Variants in ARID1B observed in about 807,000 individuals in gnomAD.
ARID1B encodes the protein AT-rich interaction domain 1B, also known as AT-rich interactive domain-containing protein 1B.
A neutral mutation model predicts 212.3 loss-of-function variants in ARID1B; 30 were observed. That is an observed-to-expected ratio of 0.14 (90% confidence interval 0.11 to 0.19). The LOEUF is 0.19. Among genes scored for constraint, ARID1B ranks in the 10% least tolerant of loss-of-function variants. ARID1B has a pLI of 1.00. For missense variants in ARID1B, 2,891 were observed against 3,204.0 expected, an observed-to-expected ratio of 0.90 and a Z score of 2.36; for synonymous variants, 1,402 against 1,301.7, an observed-to-expected ratio of 1.08 and a Z score of -1.66.
rs2114981559 is a variant in ARID1B, at chr6:156,778,655, C to T, written c.975C>T (p.Gly325=). 5.4e-6 allele frequency: 8 copies of T among 1,480,390 alleles called. No individual in the cohort carries two copies. Among genetic ancestry groups the T allele is most frequent in the East Asian group, 2.9e-5 (1 of 34,872 alleles). The allele number at this position is 1,480,390 out of a possible 1,614,324, so 91.7% of individuals were successfully genotyped here. A position where few individuals can be genotyped will look rare whatever the true frequency, so the allele number is the denominator to read the frequency against. ...NYYGSAAPAS[G]GPGGRAGPCF... ...ATGGCAGCGCTGCCCCTGCGAGCGG[C>T]GGCCCCGGCGGCCGCGCTGGGCCTT... Residue 325 remains glycine (G), a synonymous_variant, in exon 1 of 20, where the codon GGC becomes GGT. Coordinates refer to ENST00000636930, the MANE Select transcript of ARID1B (RefSeq NM_001374828.1).
chr6:157,132,859 C>A (rs1264686442), intron 6 of ARID1B, among the ~76,000 whole-genome samples, 169 bp from the exon 7 acceptor site: 1 of 152,152 alleles, frequency 6.6e-6, no homozygotes, highest in African/African-American at 2.4e-5. Flanking sequence ...ACCAGGGCAC[C>A]CTCCAGACCG....
chr6:156,966,557 C>T (rs1472446383), intron 4 of ARID1B, among the ~76,000 whole-genome samples: 1 of 151,610 alleles, frequency 6.6e-6, no homozygotes, highest in Non-Finnish European at 1.5e-5. Flanking sequence ...CCACGTCCGG[C>T]TAATTTTCTG....
chr6:156,885,243 C>G (rs1047548382), intron 2 of ARID1B, among the ~76,000 whole-genome samples: 2 of 152,178 alleles, frequency 1.3e-5, no homozygotes, highest in Non-Finnish European at 2.9e-5. Flanking sequence ...ATGTCCAAAA[C>G]AGTGAAATGC....
At chr6:156,865,311 A>G (rs1217207909) in intron 2 of ARID1B, among the ~76,000 whole-genome samples, 1 of 152,226 alleles carries the variant, frequency 6.6e-6, no homozygotes, top group Non-Finnish European at 1.5e-5. Flanking sequence ...TCTTTAAAAT[A>G]AAAGACATTT....
chr6:156,870,554 A>G (rs969931273), intron 2 of ARID1B: 1 of 152,212 alleles, frequency 6.6e-6, no homozygotes, highest in Admixed American at 6.5e-5. Context: ...TTCTGTATCT[A>G]TAGTTTAAAA....
chr6:156,880,031 T>G (rs1163451171), intron 2 of ARID1B, among the ~76,000 whole-genome samples: 2 of 152,230 alleles, frequency 1.3e-5, no homozygotes, highest in Non-Finnish European at 2.9e-5. Flanking sequence ...GGCTGTGGGC[T>G]TCTGGGAGCC....
intron 4 of ARID1B, among the ~76,000 whole-genome samples, chr6:157,027,980 A>C (rs1780769290): frequency 6.6e-6 from 1 of 152,224 alleles, no homozygotes; most frequent in African/African-American, 2.4e-5. Flanking sequence ...AAAATTAGGA[A>C]AAGAGTTTAT....
chr6:157,054,696 G>C (rs547912647), intron 4 of ARID1B, among the ~76,000 whole-genome samples: 249 of 152,320 alleles, frequency 1.6e-3, no homozygotes, highest in African/African-American at 5.4e-3. Flanking sequence ...AAAGGCAAAA[G>C]AACCACAGCC....
At chr6:157,001,440 C>T (rs1020959891) in intron 4 of ARID1B, among the ~76,000 whole-genome samples, 3 of 152,166 alleles carry the variant, frequency 2.0e-5, no homozygotes, top group Non-Finnish European at 4.4e-5. Flanking sequence ...ACGTGAGGTT[C>T]TGGTTCACTT....
intron 3 of ARID1B, 41 bp from the exon 4 acceptor site, chr6:156,935,421 CATTG>C: frequency 1.3e-6 from 2 of 1,484,074 alleles, no homozygotes; most frequent in South Asian, 2.3e-5. Context: ...GCTTATAACT[CATTG>C]AGATATTTAT....
chr6:156,917,835 A>G (rs2128236055), intron 3 of ARID1B, among the ~76,000 whole-genome samples: 1 of 152,340 alleles, frequency 6.6e-6, no homozygotes, highest in African/African-American at 2.4e-5. Flanking sequence ...AGTTGGACCA[A>G]GTGGAAATCT....
chr6:157,042,480 C>T (rs1318604353), intron 4 of ARID1B, among the ~76,000 whole-genome samples: 4 of 151,948 alleles, frequency 2.6e-5, no homozygotes, highest in Admixed American at 1.3e-4. Context: ...TTTTATGACT[C>T]TTTTTATAAT....
rs951888407 is a variant in ARID1B, at chr6:156,779,021, G to A, written c.1341G>A (p.Gly447=). ...GCGGCTATGGGGGCTCGTCCGCGGG[G>A]TACGGGGTGCTGAGCTCCCCCCGGC... ...GGGGYGGSSA[G]YGVLSSPRQQ... Residue 447 remains glycine (G), a synonymous_variant, in exon 1 of 20, where the codon GGG becomes GGA. Coordinates refer to ENST00000636930, the MANE Select transcript of ARID1B (RefSeq NM_001374828.1). 37 of 1,253,976 alleles carry A rather than the reference G, an allele frequency of 3.0e-5. No individual in the cohort carries two copies. The highest frequency in any genetic ancestry group is 8.9e-6 in the Non-Finnish European group (9 of 1,009,086). The allele number at this position is 1,253,976 out of a possible 1,614,324, so 77.7% of individuals were successfully genotyped here. A position where few individuals can be genotyped will look rare whatever the true frequency, so the allele number is the denominator to read the frequency against.
At chr6:156,831,590 C>T (rs571259592) in intron 2 of ARID1B, among the ~76,000 whole-genome samples, 9 of 152,262 alleles carry the variant, frequency 5.9e-5, no homozygotes, top group African/African-American at 2.2e-4. Context: ...TAATTATTTT[C>T]TTTTCTAAAT....
chr6:156,819,347 A>G (rs960427274), intron 1 of ARID1B, among the ~76,000 whole-genome samples: 1 of 152,244 alleles, frequency 6.6e-6, no homozygotes, highest in African/African-American at 2.4e-5. Flanking sequence ...ATGTGAGGAA[A>G]AATGGAAATA....
chr6:157,172,406 G>A (rs1256921942), intron 9 of ARID1B, among the ~76,000 whole-genome samples: 1 of 152,168 alleles, frequency 6.6e-6, no homozygotes, highest in Admixed American at 6.5e-5. Flanking sequence ...TAAAGTCTAA[G>A]TATTGAAAGT....
chr6:156,836,494 C>A (rs959752697), intron 2 of ARID1B, among the ~76,000 whole-genome samples: 1 of 152,136 alleles, frequency 6.6e-6, no homozygotes, highest in African/African-American at 2.4e-5. Flanking sequence ...GAACCAGGAG[C>A]TGGGATGGTT....
Position 156,799,502 on chromosome 6 carries a change from G to T in ARID1B, c.1791+20031G>T, listed in dbSNP as rs1193642153. 2.0e-5 allele frequency among the ~76,000 whole-genome samples: 3 copies of T among 152,098 alleles called. No individual in the cohort carries two copies. In the East Asian group the frequency reaches 5.8e-4, roughly 29 times the overall value. Reference sequence around the variant, plus strand: ...AGTTGATATATATATATTTGGACACGGAGTCTTGCTCTGTTGCACAGGCTG... The same window carrying T: ...AGTTGATATATATATATTTGGACACTGAGTCTTGCTCTGTTGCACAGGCTG... On this transcript the variant is annotated intron_variant, in intron 1 of 19. Coordinates refer to ENST00000636930, the MANE Select transcript of ARID1B (RefSeq NM_001374828.1).
chr6:156,860,942 T>C (rs1236711252), intron 2 of ARID1B, among the ~76,000 whole-genome samples: 1 of 152,234 alleles, frequency 6.6e-6, no homozygotes, highest in Non-Finnish European at 1.5e-5. Context: ...ACCAACATTT[T>C]AGAATTTCTC....
Sources: allele counts gnomAD v4.1 joint callset (sites outside exome capture counted in the v4.1 genomes callset), GRCh38; gene constraint gnomAD v4.1.1; transcripts MANE v1.5; gene names NCBI Gene and HGNC (gene_info 2026-07-23, HGNC 2026-07-21).